Variants in ADCY9 observed in about 807,000 individuals in gnomAD.
ADCY9 encodes adenylate cyclase type 9.
In ADCY9, 50 loss-of-function variants were observed where a neutral mutation model predicts 101.5. The observed-to-expected ratio is 0.49, with a 90% CI of 0.39 to 0.62. The LOEUF (loss-of-function observed/expected upper bound fraction) is 0.62, where lower values mean the gene tolerates loss of function less well. Among genes scored for constraint, ADCY9 ranks in the 20% least tolerant of loss-of-function variants. The pLI is 0.00. For synonymous variants in ADCY9, 905 were observed against 769.3 expected (o/e 1.18, Z -2.92); for missense variants, 1,662 against 1,800.4 (o/e 0.92, Z 1.39).
chr16:4,011,729 T>C (rs2056405810), intron 2 of ADCY9, among the ~76,000 whole-genome samples: 1 of 152,186 alleles, frequency 6.6e-6, no homozygotes, highest in Non-Finnish European at 1.5e-5. Context: ...GCTTCATCGC[T>C]GCCTCTCAGT....
rs1435860285 is a variant in ADCY9, at chr16:4,036,458, G to GT, written c.1694-28901dup. ...ACAATACATTTTGGTTTTGGGGTTT[G>GT]TTTGTTTTTTTTTTTTTTTTTTTTG... On this transcript the variant is annotated intron_variant, in intron 2 of 10. Transcript: ENST00000294016. Among the ~76,000 whole-genome samples the GT allele has an allele frequency of 2.2e-3, 184 of 84,792 alleles. 5 individuals are homozygous for GT. Among genetic ancestry groups the GT allele is most frequent in the African/African-American group, 5.2e-3 (141 of 27,050 alleles). 55.6% of individuals were successfully genotyped at this position (84,792 alleles called of 152,430 possible).
At chr16:4,061,974 A>G (rs1872986331) in intron 2 of ADCY9, among the ~76,000 whole-genome samples, 2 of 152,242 alleles carry the variant, frequency 1.3e-5, no homozygotes, top group Non-Finnish European at 2.9e-5. Context: ...TAGACATTTA[A>G]TGGAACAAAG....
At chr16:4,094,151 A>T (rs1457110606) in intron 2 of ADCY9, among the ~76,000 whole-genome samples, 1 of 151,746 alleles carries the variant, frequency 6.6e-6, no homozygotes, top group Non-Finnish European at 1.5e-5. Context: ...AATGTGTGTT[A>T]GAGAAAAGTC....
intron 3 of ADCY9, among the ~76,000 whole-genome samples, chr16:4,001,850 G>A (rs532863192): frequency 1.3e-5 from 2 of 151,790 alleles, no homozygotes; most frequent in East Asian, 3.9e-4. Flanking sequence ...CCAGGTTCAA[G>A]AGATTCTCCT....
intron 2 of ADCY9, among the ~76,000 whole-genome samples, chr16:4,054,468 T>C (rs181035792): frequency 2.6e-5 from 4 of 152,340 alleles, no homozygotes; most frequent in East Asian, 1.9e-4. Flanking sequence ...CCTGAAACTC[T>C]TCCTATTACT....
At chr16:4,030,059 G>T (rs984147955) in intron 2 of ADCY9, among the ~76,000 whole-genome samples, 2 of 152,024 alleles carry the variant, frequency 1.3e-5, no homozygotes, top group African/African-American at 4.8e-5. Context: ...TGATAACAAT[G>T]TTATCACCAT....
rs566434494 is a variant in ADCY9 at position 4,065,895 on chromosome 16, G to A, written c.1693+47855C>T. The stretch of plus-strand genomic sequence containing the variant: ...AGTTTTGTATTTTTAGTAGAGACTG[G>A]GTCTCACCATGTTGGCCAGGCTGGT... On this transcript the variant is annotated intron_variant, in intron 2 of 10. Coordinates refer to ENST00000294016, the MANE Select transcript of ADCY9 (RefSeq NM_001116.4). Among the ~76,000 whole-genome samples, 300 of 152,240 alleles carry A rather than the reference G, an allele frequency of 2.0e-3. 1 individual carries two copies. The highest frequency in any genetic ancestry group is 3.3e-3 in the Admixed American group (50 of 15,300).
At chr16:4,055,074 C>T (rs929664192) in intron 2 of ADCY9, among the ~76,000 whole-genome samples, 5 of 152,136 alleles carry the variant, frequency 3.3e-5, no homozygotes, top group South Asian at 4.2e-4. Context: ...AGGGCCCCCG[C>T]GGAAGGGGAG....
intron 2 of ADCY9, among the ~76,000 whole-genome samples, chr16:4,028,019 C>T (rs2056529701): frequency 6.6e-6 from 1 of 151,966 alleles, no homozygotes; most frequent in Non-Finnish European, 1.5e-5. Context: ...TTGTGGGAGT[C>T]ACAATTCAAG....
chr16:4,050,082 G>T (rs1207885835), intron 2 of ADCY9, among the ~76,000 whole-genome samples: 1 of 152,066 alleles, frequency 6.6e-6, no homozygotes, highest in Non-Finnish European at 1.5e-5. Flanking sequence ...GCCGAAGTGG[G>T]GGTGGGGACC....
intron 10 of ADCY9, among the ~76,000 whole-genome samples, chr16:3,968,256 C>T (rs1056729954): frequency 6.6e-6 from 1 of 151,972 alleles, no homozygotes; most frequent in African/African-American, 2.4e-5. Context: ...CCTCAGCCTC[C>T]CCAGTAGCTG....
rs11647778 is a variant in ADCY9 at position 4,001,379 on chromosome 16, C to A, written c.1884+5989G>T. ...GGACCTGCCTGGTGCTTTCTCAGAG[C>A]AGACTGAGGTTTGGGGTTTGCGGAA... On this transcript the variant is annotated intron_variant, in intron 3 of 10. Coordinates refer to ENST00000294016, the MANE Select transcript of ADCY9 (RefSeq NM_001116.4). Among the ~76,000 whole-genome samples the A allele has an allele frequency of 9.0e-4, 137 of 151,970 alleles. 2 individuals are homozygous for A. The highest frequency in any genetic ancestry group is 5.4e-4 in the Non-Finnish European group (37 of 67,984).
At chr16:4,043,162 C>T (rs887931967) in intron 2 of ADCY9, among the ~76,000 whole-genome samples, 5 of 152,142 alleles carry the variant, frequency 3.3e-5, no homozygotes, top group African/African-American at 1.2e-4. Context: ...ACCCGGGAGG[C>T]GGAGCTTGCA....
chr16:4,083,075 C>A (rs7193552), intron 2 of ADCY9, among the ~76,000 whole-genome samples: 74,211 of 151,992 alleles, frequency 0.49, 18,184 homozygotes, highest in Admixed American at 0.56. Context: ...CACCTGGGGT[C>A]CTGGAAATGT....
At chr16:3,976,740 C>G (rs2056095443) in intron 9 of ADCY9, among the ~76,000 whole-genome samples, 1 of 152,208 alleles carries the variant, frequency 6.6e-6, no homozygotes, top group Admixed American at 6.5e-5. Context: ...TCACTGCAAC[C>G]TCCGCCTCCC....
At chr16:4,097,551 ATATTTT>A (rs1337268921) in intron 2 of ADCY9, among the ~76,000 whole-genome samples, 10 of 51,038 alleles carry the variant, frequency 2.0e-4, no homozygotes, top group African/African-American at 8.7e-4. Context: ...ATATATATAT[ATATTTT>A]TTTTTTTTTT....
chr16:3,987,240 C>G (rs1597146882), intron 6 of ADCY9, among the ~76,000 whole-genome samples: 1 of 152,224 alleles, frequency 6.6e-6, no homozygotes, highest in African/African-American at 2.4e-5. Flanking sequence ...GATGTTGTTT[C>G]TAATTCCTGC....
chr16:3,990,712 C>T (rs761285862), intron 5 of ADCY9, among the ~76,000 whole-genome samples: 1 of 152,222 alleles, frequency 6.6e-6, no homozygotes, highest in South Asian at 2.1e-4. Context: ...AGAGCAACCA[C>T]GCAGCTGCAG....
chr16:4,094,602 C>T lies in ADCY9; in HGVS notation c.1693+19148G>A, dbSNP rs192957674. Among the ~76,000 whole-genome samples, 159 of 151,400 alleles carry T rather than the reference C, an allele frequency of 1.1e-3. 1 individual carries two copies. The highest frequency in any genetic ancestry group is 3.7e-3 in the African/African-American group (152 of 41,202). On this transcript the variant is annotated intron_variant, in intron 2 of 10. Coordinates refer to ENST00000294016, the MANE Select transcript of ADCY9 (RefSeq NM_001116.4). The stretch of plus-strand genomic sequence containing the variant: ...AAAGTGGGACGATCGCTCGAGGCCC[C>T]GCAACACAGCAAGACCCCCATCTCT...
Sources: allele counts gnomAD v4.1 joint callset (sites outside exome capture counted in the v4.1 genomes callset), GRCh38; gene constraint gnomAD v4.1.1; transcripts MANE v1.5; gene names NCBI Gene and HGNC (gene_info 2026-07-23, HGNC 2026-07-21).